Variants in ATXN1 observed in about 807,000 individuals in gnomAD.
ATXN1 encodes the protein ataxin 1.
ATXN1 carries 8 observed loss-of-function variants against 56.4 expected under a neutral mutation model. That is an observed-to-expected ratio of 0.14 (90% CI 0.08 to 0.26). ATXN1 has a LOEUF of 0.26. Ranked by LOEUF, ATXN1 falls within the 10% of genes least tolerant of loss-of-function variation. The probability of loss-of-function intolerance (pLI) is 1.00; values close to 1 mark genes in which losing one functional copy is unlikely to be tolerated. For missense variants in ATXN1, 987 were observed against 1,106.5 expected, an observed-to-expected ratio of 0.89 and a Z score of 1.53; for synonymous variants, 514 against 494.6, an observed-to-expected ratio of 1.04 and a Z score of -0.52.
At chr6:16,625,129 C>T (rs1051597880) in intron 3 of ATXN1, among the ~76,000 whole-genome samples, 1 of 152,182 alleles carries the variant, frequency 6.6e-6, no homozygotes, top group Admixed American at 6.5e-5. Context: ...ACTCCCACAT[C>T]GATCAAGTGA....
At chr6:16,503,118 A>G (rs1236629536) in intron 5 of ATXN1, among the ~76,000 whole-genome samples, 1 of 152,222 alleles carries the variant, frequency 6.6e-6, no homozygotes, top group Non-Finnish European at 1.5e-5. Context: ...TCTTATATAG[A>G]AATCTAATAC....
At chr6:16,501,769 G>A (rs1760890268) in intron 5 of ATXN1, among the ~76,000 whole-genome samples, 1 of 152,076 alleles carries the variant, frequency 6.6e-6, no homozygotes, top group Non-Finnish European at 1.5e-5. Flanking sequence ...TGTAAATACT[G>A]CTGCAGTAAA....
At chr6:16,724,718 AAT>A (rs1191570402) in intron 2 of ATXN1, among the ~76,000 whole-genome samples, 1 of 152,264 alleles carries the variant, frequency 6.6e-6, no homozygotes, top group African/African-American at 2.4e-5. Flanking sequence ...AGGATATATT[AAT>A]AGTGTTTGGT....
chr6:16,346,474 G>T (rs1761390999), intron 6 of ATXN1, among the ~76,000 whole-genome samples: 1 of 152,176 alleles, frequency 6.6e-6, no homozygotes, highest in Non-Finnish European at 1.5e-5. Context: ...GCAGCTGCTG[G>T]TCACAGACTA....
At chr6:16,586,797 G>C (rs1188251353) in intron 3 of ATXN1, among the ~76,000 whole-genome samples, 1 of 152,116 alleles carries the variant, frequency 6.6e-6, no homozygotes, top group Non-Finnish European at 1.5e-5. Flanking sequence ...GAGGTGGGCG[G>C]ATCATGAGGT....
Position 16,326,293 on chromosome 6 carries a change from A to T in ATXN1, c.1917+101T>A. The T allele has an allele frequency of 1.3e-6, 2 of 1,534,108 alleles. No individual in the cohort carries two copies. Among genetic ancestry groups the T allele is most frequent in the South Asian group, 1.2e-5 (1 of 80,010 alleles). ...AGTCTAAGGTCTAGGTGTACCCGAGAACCCTTAATCCTGCCTCATAGAAGC... is the reference window on the plus strand; with the variant it reads ...AGTCTAAGGTCTAGGTGTACCCGAGTACCCTTAATCCTGCCTCATAGAAGC... On this transcript the variant is annotated intron_variant, in intron 7 of 7. Transcript: ENST00000436367. This position sits in a 1 kb window ranked among gnomAD's most constrained non-coding sequence, Gnocchi z 6.6.
At position 16,381,845 on chromosome 6, in the gene ATXN1, T is replaced by C. The variant is rs545019507; in HGVS notation, c.-160-53375A>G. Among the ~76,000 whole-genome samples the C allele has an allele frequency of 2.6e-5, 4 of 152,238 alleles. No individual in the cohort carries two copies. In the East Asian group the frequency reaches 7.7e-4, roughly 29 times the overall value. ...GATACTTCTCCTGCTCCTTGAGAAGTCCCCAGTGGTCAGTCATGGAGAGTT... is the reference window on the plus strand; with the variant it reads ...GATACTTCTCCTGCTCCTTGAGAAGCCCCCAGTGGTCAGTCATGGAGAGTT... On this transcript the variant is annotated intron_variant, in intron 6 of 7. Transcript: ENST00000436367.
At chr6:16,697,843 A>C (rs896146939) in intron 2 of ATXN1, among the ~76,000 whole-genome samples, 1 of 152,206 alleles carries the variant, frequency 6.6e-6, no homozygotes, top group African/African-American at 2.4e-5. Flanking sequence ...TCAAGTCCCA[A>C]TAACCAATGG....
At chr6:16,379,108 C>G (rs1762200997) in intron 6 of ATXN1, among the ~76,000 whole-genome samples, 1 of 152,170 alleles carries the variant, frequency 6.6e-6, no homozygotes. Flanking sequence ...ACAGCATTTG[C>G]AGTGACCTGG....
chr6:16,649,952 T>G lies in ATXN1; in HGVS notation c.-489+7824A>C, dbSNP rs555457218. Among the ~76,000 whole-genome samples, 11 of 91,194 alleles carry G rather than the reference T, an allele frequency of 1.2e-4. No homozygotes were observed. The East Asian group carries it at 2.1e-3, about 17-fold the overall frequency. 59.8% of individuals were successfully genotyped at this position (91,194 alleles called of 152,430 possible). A position where few individuals can be genotyped will look rare whatever the true frequency, so the allele number is the denominator to read the frequency against. On this transcript the variant is annotated intron_variant, in intron 3 of 7. Coordinates refer to ENST00000436367, the MANE Select transcript of ATXN1 (RefSeq NM_001128164.2). ...CAGCAAGAGGATAATTTCTGTTTTG[T>G]TTTTTTTTTTCCTTGAGACGAGCTC...
chr6:16,450,239 G>C (rs749009596), intron 6 of ATXN1, among the ~76,000 whole-genome samples: 16 of 152,196 alleles, frequency 1.1e-4, no homozygotes, highest in Admixed American at 9.8e-4. Context: ...TGGGAACTAT[G>C]CTCCCCTATA....
At chr6:16,494,426 G>A (rs751409431) in intron 5 of ATXN1, among the ~76,000 whole-genome samples, 21 of 152,112 alleles carry the variant, frequency 1.4e-4, no homozygotes, top group East Asian at 1.9e-4. Context: ...AATTAGTACC[G>A]GCCTAAAGAA....
chr6:16,421,340 A>G (rs1160920520), intron 6 of ATXN1, among the ~76,000 whole-genome samples: 1 of 145,268 alleles, frequency 6.9e-6, no homozygotes, highest in African/African-American at 2.6e-5. Flanking sequence ...GAAAGGACAC[A>G]GGAAAAAAAA....
rs951792960 is a variant in ATXN1 at position 16,571,948 on chromosome 6, C to G, written c.-361+13832G>C. Among the ~76,000 whole-genome samples, 5 of 152,166 alleles carry G rather than the reference C, an allele frequency of 3.3e-5. No homozygotes were observed. The East Asian group carries it at 9.6e-4, about 29-fold the overall frequency. ...AAAGTGCTGGGATTGCAGGGGTGAG[C>G]CATCACGTTCAGCCTCTTTCTAAAT... On this transcript the variant is annotated intron_variant, in intron 4 of 7. Coordinates refer to ENST00000436367, the MANE Select transcript of ATXN1 (RefSeq NM_001128164.2).
At position 16,410,788 on chromosome 6, in the gene ATXN1, G is replaced by C. The variant is rs1485371065; in HGVS notation, c.-161+75184C>G. On this transcript the variant is annotated intron_variant, in intron 6 of 7. Coordinates refer to ENST00000436367, the MANE Select transcript of ATXN1 (RefSeq NM_001128164.2). The surrounding 1 kb of genome is among the most constrained non-coding windows in gnomAD (Gnocchi z 4.6). ...TGAAGTTAAGTCTCCTCTTAGTGTA[G>C]CAGTACGTATTTTGAATGAGAACGG... Among the ~76,000 whole-genome samples, 1 of 152,136 alleles carries C rather than the reference G, an allele frequency of 6.6e-6. No homozygotes were observed. Among genetic ancestry groups the C allele is most frequent in the Non-Finnish European group, 1.5e-5 (1 of 68,024 alleles).
At chr6:16,550,153 T>TAAAAAAAAAAAA (rs1194433906) in intron 4 of ATXN1, among the ~76,000 whole-genome samples, 1 of 34,196 alleles carries the variant, frequency 2.9e-5, no homozygotes. Context: ...ATAAATAAAA[T>TAAAAAAAAAAAA]ACAAAAAAAA....
At chr6:16,524,108 G>T (rs964226772) in intron 4 of ATXN1, among the ~76,000 whole-genome samples, 2 of 152,138 alleles carry the variant, frequency 1.3e-5, no homozygotes, top group African/African-American at 4.8e-5. Context: ...GACGGCATGT[G>T]GCCGGCCACC....
intron 5 of ATXN1, among the ~76,000 whole-genome samples, chr6:16,499,824 C>A (rs1760849298): frequency 6.6e-6 from 1 of 152,166 alleles, no homozygotes; most frequent in South Asian, 2.1e-4. Flanking sequence ...ATCAATTCAG[C>A]CAATGCAAGG....
chr6:16,667,334 C>T (rs1268883797), intron 2 of ATXN1: 2 of 152,202 alleles, frequency 1.3e-5, no homozygotes, highest in Admixed American at 6.5e-5. Flanking sequence ...AATCATGAAA[C>T]ATCCTCTTCA....
Sources: allele counts gnomAD v4.1 joint callset (sites outside exome capture counted in the v4.1 genomes callset), GRCh38; gene constraint gnomAD v4.1.1; non-coding constraint Gnocchi (gnomAD v3.1); transcripts MANE v1.5; gene names NCBI Gene and HGNC (gene_info 2026-07-23, HGNC 2026-07-21).